Variants in VPS13D observed in about 807,000 individuals in gnomAD.
VPS13D encodes intermembrane lipid transfer protein VPS13D.
A neutral mutation model predicts 461.9 loss-of-function variants in VPS13D; 187 were observed. The observed-to-expected ratio is 0.40, with a 90% CI of 0.36 to 0.46. The LOEUF is 0.46. VPS13D is among the 20% of genes least tolerant of loss of function. The probability of loss-of-function intolerance (pLI) is 0.60; values close to 1 mark genes in which losing one functional copy is unlikely to be tolerated. For missense variants in VPS13D, 4,711 were observed against 5,364.9 expected (o/e 0.88, Z 3.81); for synonymous variants, 1,951 against 1,986.3 (o/e 0.98, Z 0.47).
At chr1:12,488,817 G>A (rs756252578) in intron 67 of VPS13D, among the ~76,000 whole-genome samples, 5 of 152,124 alleles carry the variant, frequency 3.3e-5, no homozygotes, top group Admixed American at 6.6e-5. Flanking sequence ...TCTTGGGATT[G>A]GCATTAGAGG....
chr1:12,231,622 T>A (rs1639975900), intron 1 of VPS13D, among the ~76,000 whole-genome samples: 1 of 152,242 alleles, frequency 6.6e-6, no homozygotes, highest in South Asian at 2.1e-4. Context: ...GGCTTCTTGC[T>A]CAAATTTGTT....
In VPS13D at chr1:12,351,949, A is replaced by T. The variant is rs72868215; in HGVS notation, c.9432-2025A>T. Among the ~76,000 whole-genome samples the T allele has an allele frequency of 4.7e-3, 717 of 152,010 alleles. 5 individuals carry two copies. The highest frequency in any genetic ancestry group is 0.016 in the African/African-American group (678 of 41,440). On this transcript the variant is annotated intron_variant, in intron 46 of 69. Transcript: ENST00000620676. Reference sequence around the variant, plus strand: ...AAGTGGTTTATCCCAGAAATTTAAGATTAGCTTAATATTTGAAAATCAGTA... The same window carrying T: ...AAGTGGTTTATCCCAGAAATTTAAGTTTAGCTTAATATTTGAAAATCAGTA...
intron 67 of VPS13D, among the ~76,000 whole-genome samples, chr1:12,475,940 C>T (rs1191363574): frequency 1.3e-5 from 2 of 151,484 alleles, no homozygotes; most frequent in Non-Finnish European, 2.9e-5. Context: ...GCATTTTGTA[C>T]AAGAATGGTG....
chr1:12,342,666 G>A (rs1425218313), intron 41 of VPS13D: 2 of 414,182 alleles, frequency 4.8e-6, no homozygotes, highest in African/African-American at 1.9e-5. Context: ...CCTGAGGTAA[G>A]TGGCTACAGA....
chr1:12,436,058 T>C (rs976448570), intron 65 of VPS13D, among the ~76,000 whole-genome samples: 3 of 152,210 alleles, frequency 2.0e-5, no homozygotes, highest in Admixed American at 6.5e-5. Context: ...TTCACAACTA[T>C]GTATGGACAA....
intron 63 of VPS13D, among the ~76,000 whole-genome samples, chr1:12,411,077 C>A (rs1557763484): frequency 6.6e-6 from 1 of 152,206 alleles, no homozygotes; most frequent in African/African-American, 2.4e-5. Context: ...CCACTTCTTT[C>A]ACCGTTACAC....
chr1:12,422,848 CTTT>C (rs748419781), intron 65 of VPS13D, among the ~76,000 whole-genome samples: 5 of 130,512 alleles, frequency 3.8e-5, no homozygotes, highest in Admixed American at 7.6e-5. Context: ...TTTTGAAGGT[CTTT>C]TTTTTTTTTT....
At chr1:12,422,541 A>G (rs1048031618) in intron 65 of VPS13D, among the ~76,000 whole-genome samples, 1 of 152,130 alleles carries the variant, frequency 6.6e-6, no homozygotes, top group African/African-American at 2.4e-5. Flanking sequence ...TTTGTTTTTT[A>G]TGAATTTGAC....
chr1:12,259,893 C>T (rs1641049651), intron 10 of VPS13D, among the ~76,000 whole-genome samples: 1 of 152,014 alleles, frequency 6.6e-6, no homozygotes, highest in African/African-American at 2.4e-5. Flanking sequence ...TCCTGGGTTT[C>T]AGGAAGAGCG....
chr1:12,491,373 G>C (rs1474807549), intron 67 of VPS13D, among the ~76,000 whole-genome samples: 3 of 152,130 alleles, frequency 2.0e-5, no homozygotes, highest in African/African-American at 7.2e-5. Flanking sequence ...GCTGTGTAGG[G>C]GTATGTGTAT....
chr1:12,416,025 A>G (rs1308141939), intron 64 of VPS13D, among the ~76,000 whole-genome samples: 1 of 152,172 alleles, frequency 6.6e-6, no homozygotes, highest in East Asian at 1.9e-4. Flanking sequence ...TACAAAATAT[A>G]GAAAAAAAAG....
Position 12,261,025 on chromosome 1 carries a change from G to T in VPS13D, c.1290G>T (p.Leu430=). 6.2e-7 allele frequency: 1 copy of T among 1,614,042 alleles called. No individual in the cohort carries two copies. Among genetic ancestry groups the T allele is most frequent in the Non-Finnish European group, 8.5e-7 (1 of 1,180,026 alleles). The change falls in exon 12 of 70, where the codon CTG becomes CTT. Residue 430 remains leucine (L), a synonymous_variant. Coordinates refer to ENST00000620676, the MANE Select transcript of VPS13D (RefSeq NM_015378.4). ...APEPGGGSGM[L]QYLQSWFPGW... ...AACCCGGTGGAGGCAGTGGGATGCT[G>T]CAGTATCTCCAGTCCTGGTTTCCTG...
At chr1:12,385,523 G>C (rs527537249) in intron 59 of VPS13D, 150 bp downstream of exon 59, 1 of 634,000 alleles carries the variant, frequency 1.6e-6, no homozygotes. Flanking sequence ...ATCAGTGAAT[G>C]TGTGAATGTA....
rs779536480 is a variant in VPS13D at position 12,338,270 on chromosome 1, G to T, written c.8591G>T (p.Ser2864Ile). ...LVYLRTRSTA[S>I]LTNLEHQIYA... Reference sequence around the variant, plus strand: ...TACCTTAGAACTAGGAGTACAGCCAGTCTGACTAACCTAGAGCACCAGATC... The same window carrying T: ...TACCTTAGAACTAGGAGTACAGCCATTCTGACTAACCTAGAGCACCAGATC... Residue 2864 changes from serine (S) to isoleucine (I), a missense_variant, in exon 40 of 70, where the codon AGT becomes ATT. This residue lies in a region of VPS13D where 4,411 missense variants were observed against 4,937.8 expected (regional missense o/e 0.89). Transcript: ENST00000620676. The T allele has an allele frequency of 1.2e-6, 2 of 1,613,640 alleles. No homozygotes were observed. The highest frequency in any genetic ancestry group is 2.7e-5 in the African/African-American group (2 of 74,914).
intron 6 of VPS13D, among the ~76,000 whole-genome samples, chr1:12,251,484 T>G (rs1640730584): frequency 6.6e-6 from 1 of 152,216 alleles, no homozygotes; most frequent in Non-Finnish European, 1.5e-5. Flanking sequence ...ACCAATGCTT[T>G]CCAGTGTTTT....
chr1:12,485,761 A>G (rs1451675200), intron 67 of VPS13D, among the ~76,000 whole-genome samples: 1 of 152,200 alleles, frequency 6.6e-6, no homozygotes, highest in Non-Finnish European at 1.5e-5. Context: ...CCAAGGGTTG[A>G]TGGACTATGA....
Position 12,261,077 on chromosome 1 carries a change from A to G in VPS13D, c.1342A>G (p.Thr448Ala), listed in dbSNP as rs146488112. ...ATGGGGTGGCTGGTACGGGCAGCAG[A>G]CCCCAGAAGGGAATGTGGTTGAGGG... ...PGWGGWYGQQ[T>A]PEGNVVEGLS... Residue 448 changes from threonine (T) to alanine (A), a missense_variant, in exon 12 of 70, where the codon ACC becomes GCC. Coordinates refer to ENST00000620676, the MANE Select transcript of VPS13D (RefSeq NM_015378.4). The G allele has an allele frequency of 1.2e-3, 1,869 of 1,613,950 alleles. 4 individuals are homozygous for G. Among genetic ancestry groups the G allele is most frequent in the Non-Finnish European group, 1.5e-3 (1,795 of 1,180,008 alleles).
At chr1:12,348,774 T>C in intron 44 of VPS13D, 49 bp from the exon 45 acceptor site, 1 of 1,602,788 alleles carries the variant, frequency 6.2e-7, no homozygotes, top group South Asian at 1.1e-5. Flanking sequence ...TTGTATTTTA[T>C]ATGTTTTTTC....
chr1:12,361,739 T>C (rs1220629771), intron 50 of VPS13D, among the ~76,000 whole-genome samples: 1 of 152,134 alleles, frequency 6.6e-6, no homozygotes, highest in Non-Finnish European at 1.5e-5. Flanking sequence ...TTTTAAGATA[T>C]TTCAGTGCTT....
Sources: allele counts gnomAD v4.1 joint callset (sites outside exome capture counted in the v4.1 genomes callset), GRCh38; gene constraint gnomAD v4.1.1; regional missense constraint gnomAD v4.1.1; transcripts MANE v1.5; gene names NCBI Gene and HGNC (gene_info 2026-07-23, HGNC 2026-07-21).